KCTD1: variants seen among roughly 807,000 people sequenced by gnomAD.
KCTD1 encodes the protein potassium channel tetramerization domain containing 1.
A neutral mutation model predicts 66.0 loss-of-function variants in KCTD1; 24 were observed. The ratio of observed to expected loss-of-function variants is 0.36; its 90% confidence interval spans 0.26 to 0.51. The LOEUF (loss-of-function observed/expected upper bound fraction) is 0.51. KCTD1 is among the 20% of genes least tolerant of loss of function. KCTD1 has a pLI of 0.95. For missense variants in KCTD1, 943 were observed against 1,205.2 expected (o/e 0.78, Z 3.22); for synonymous variants, 511 against 517.2 (o/e 0.99, Z 0.16).
chr18:26,507,100 C>T (rs541308556), intron 1 of KCTD1, among the ~76,000 whole-genome samples: 2 of 152,026 alleles, frequency 1.3e-5, no homozygotes, highest in Non-Finnish European at 2.9e-5. Context: ...TGGGAGGTGG[C>T]GGTTTCAGTG....
chr18:26,535,126 T>C, intron 1 of KCTD1, among the ~76,000 whole-genome samples: 1 of 148,154 alleles, frequency 6.7e-6, no homozygotes, highest in African/African-American at 2.5e-5. Context: ...GGGGTGGAGC[T>C]GCCATCCTGT....
At chr18:26,575,874 G>A (rs1366671259) in intron 1 of KCTD1, among the ~76,000 whole-genome samples, 1 of 152,204 alleles carries the variant, frequency 6.6e-6, no homozygotes, top group Non-Finnish European at 1.5e-5. Flanking sequence ...AGCCAAGGAT[G>A]AGGCTTTAAG....
chr18:26,628,529 T>C (rs1458646070), intron 1 of KCTD1, among the ~76,000 whole-genome samples: 1 of 152,054 alleles, frequency 6.6e-6, no homozygotes. Context: ...AAGGTCAACT[T>C]GAAAGTTCTA....
chr18:26,559,930 T>C (rs1985805278), intron 1 of KCTD1, among the ~76,000 whole-genome samples: 1 of 152,176 alleles, frequency 6.6e-6, no homozygotes, highest in Non-Finnish European at 1.5e-5. Flanking sequence ...GCACTCTCCC[T>C]TTGGTTGTAA....
rs1016451386 is a variant in KCTD1 at position 26,608,445 on chromosome 18, G to A, written c.-16+20702C>T. Among the ~76,000 whole-genome samples, 12 of 152,202 alleles carry A rather than the reference G, an allele frequency of 7.9e-5. No homozygotes were observed. The South Asian group carries it at 2.5e-3, about 32-fold the overall frequency. On this transcript the variant is annotated intron_variant, in intron 1 of 4. Transcript: ENST00000317932. ...TATGTGCCAGTTGGACATGGCTCAA[G>A]CATCAGTTCTTAGTGCAAAATGATG...
intron 1 of KCTD1, among the ~76,000 whole-genome samples, chr18:26,615,158 C>T (rs982376925): frequency 2.6e-5 from 4 of 152,150 alleles, no homozygotes; most frequent in Admixed American, 2.0e-4. Flanking sequence ...GACTACAAAG[C>T]TTTGTAAATA....
At chr18:26,576,142 G>A (rs1986220505) in intron 1 of KCTD1, among the ~76,000 whole-genome samples, 1 of 152,060 alleles carries the variant, frequency 6.6e-6, no homozygotes, top group Non-Finnish European at 1.5e-5. Context: ...CCCTCTCCAG[G>A]TTCTTATGCA....
rs544256182 is a variant in KCTD1, at chr18:26,598,884, CG to C, written c.-16+30262del. Among the ~76,000 whole-genome samples the C allele has an allele frequency of 5.9e-3, 900 of 152,170 alleles. 6 individuals carry two copies. The highest frequency in any genetic ancestry group is 0.012 in the Admixed American group (191 of 15,288). Reference sequence around the variant, plus strand: ...GAGTTGTGAGGGTTCTTTATATATTCGCAATGCAAATCTTTTATCAGATTAT... The same window carrying C: ...GAGTTGTGAGGGTTCTTTATATATTCCAATGCAAATCTTTTATCAGATTAT... On this transcript the variant is annotated intron_variant, in intron 1 of 4. Transcript: ENST00000317932.
chr18:26,514,549 CAAAAAAAAAAA>C (rs200444964), intron 1 of KCTD1, among the ~76,000 whole-genome samples: 67 of 121,788 alleles, frequency 5.5e-4, no homozygotes, highest in Middle Eastern at 4.1e-3. Flanking sequence ...GACCTTGTCT[CAAAAAAAAAAA>C]AAAAAAAAAA....
At chr18:26,525,962 G>A (rs1984138522) in intron 1 of KCTD1, among the ~76,000 whole-genome samples, 1 of 152,140 alleles carries the variant, frequency 6.6e-6, no homozygotes, top group Admixed American at 6.5e-5. Context: ...GAGAGGGCAG[G>A]GCGCTTGTCA....
intron 1 of KCTD1, among the ~76,000 whole-genome samples, chr18:26,573,498 A>G (rs1175269951): frequency 2.0e-5 from 3 of 152,268 alleles, no homozygotes; most frequent in African/African-American, 7.2e-5. Context: ...ATTTTGAATT[A>G]ATACGAACAA....
At chr18:26,647,886 C>G (rs1987960724) in intron 1 of KCTD1, among the ~76,000 whole-genome samples, 1 of 152,026 alleles carries the variant, frequency 6.6e-6, no homozygotes, top group African/African-American at 2.4e-5. Flanking sequence ...GTTGCACAGG[C>G]TGGAGTGCAG....
At chr18:26,457,094 T>G (rs1382645899) in intron 4 of KCTD1, 5 of 148,916 alleles carry the variant, frequency 3.4e-5, no homozygotes, top group Non-Finnish European at 7.4e-5. Flanking sequence ...GCTTACTAGA[T>G]GAGATGGGAA....
At chr18:26,523,453 T>C (rs1445767426) in intron 1 of KCTD1, among the ~76,000 whole-genome samples, 2 of 152,120 alleles carry the variant, frequency 1.3e-5, no homozygotes, top group Non-Finnish European at 1.5e-5. Context: ...AAAAGAGTTA[T>C]TGTAGGGATC....
chr18:26,548,511 T>C lies in KCTD1; in HGVS notation c.26A>G (p.Asp9Gly). The C allele has an allele frequency of 8.1e-7, 1 of 1,238,416 alleles. No individual in the cohort carries two copies. Among genetic ancestry groups the C allele is most frequent in the Non-Finnish European group, 1.0e-6 (1 of 996,408 alleles). 76.7% of individuals were successfully genotyped at this position (1,238,416 alleles called of 1,614,324 possible). A position where few individuals can be genotyped will look rare whatever the true frequency, so the allele number is the denominator to read the frequency against. Residue 9 changes from aspartate (D) to glycine (G), a missense_variant, in exon 1 of 5, where the codon GAC becomes GGC. Physicochemically the swap from Asp to Gly is moderately conservative, Grantham distance 94. This residue lies in a region of KCTD1 where 236 missense variants were observed against 206.6 expected (regional missense o/e 1.14). Transcript: ENST00000580059. ...GCTGCCGCCCGCGCTGGTGTTACAG[T>C]CCCCGCTGCCAGGCATTCTCGCCAT... MARMPGSG[D>G]CNTSAGGSAS...
intron 1 of KCTD1, chr18:26,600,122 G>C: frequency 6.2e-7 from 1 of 1,609,974 alleles, no homozygotes; most frequent in Non-Finnish European, 8.5e-7. Context: ...TGTGGGGAAG[G>C]GAAAAAGAGG....
chr18:26,529,495 ATC>A (rs1984334049), intron 1 of KCTD1, among the ~76,000 whole-genome samples: 1 of 152,188 alleles, frequency 6.6e-6, no homozygotes, highest in African/African-American at 2.4e-5. Context: ...TGTCTACCAC[ATC>A]TCTTAGTCCA....
chr18:26,615,807 T>C (rs1987236636), intron 1 of KCTD1, among the ~76,000 whole-genome samples: 1 of 152,210 alleles, frequency 6.6e-6, no homozygotes, highest in African/African-American at 2.4e-5. Context: ...GCTTTTTTTT[T>C]GAGACAGAGT....
chr18:26,577,294 A>G (rs565305293), intron 1 of KCTD1, among the ~76,000 whole-genome samples: 1 of 152,230 alleles, frequency 6.6e-6, no homozygotes, highest in East Asian at 1.9e-4. Flanking sequence ...AGTAGTTTCC[A>G]TTTATTCTGT....
Sources: gnomAD v4.1 joint callset for allele counts (sites outside exome capture counted in the v4.1 genomes callset) on GRCh38, gnomAD v4.1.1 for gene constraint, gnomAD v4.1.1 regional missense constraint, MANE v1.5 for transcripts, NCBI Gene and HGNC (gene_info 2026-07-23, HGNC 2026-07-21) for gene names.